The following STRN3 variants were observed in gnomAD, a reference collection of about 807,000 sequenced individuals.
The protein encoded by STRN3 is striatin-3.
In STRN3, 29 loss-of-function variants were observed where a neutral mutation model predicts 95.6. The observed-to-expected ratio is 0.30, with a 90% confidence interval of 0.23 to 0.41. The LOEUF (loss-of-function observed/expected upper bound fraction) is 0.41. Ranked by LOEUF, STRN3 falls within the 10% of genes least tolerant of loss-of-function variation. STRN3 has a pLI of 1.00. For synonymous variants in STRN3, 331 were observed against 357.6 expected, an observed-to-expected ratio of 0.93 and a Z score of 0.84; for missense variants, 890 against 972.1, an observed-to-expected ratio of 0.92 and a Z score of 1.12.
At chr14:30,986,082 A>G (rs1307919986) in intron 1 of STRN3, among the ~76,000 whole-genome samples, 1 of 152,186 alleles carries the variant, frequency 6.6e-6, no homozygotes, top group Non-Finnish European at 1.5e-5. Context: ...TGATCTATTA[A>G]AAAAAGAATG....
intron 9 of STRN3, among the ~76,000 whole-genome samples, chr14:30,915,965 T>C (rs1205304991): frequency 6.6e-6 from 1 of 152,182 alleles, no homozygotes; most frequent in African/African-American, 2.4e-5. Context: ...ATGACCACAT[T>C]TCTGTCCTTT....
chr14:30,911,474 G>C (rs1896607691), intron 12 of STRN3, among the ~76,000 whole-genome samples: 2 of 151,844 alleles, frequency 1.3e-5, no homozygotes, highest in Admixed American at 6.6e-5. Flanking sequence ...GCTAATTTTT[G>C]TATTTTGTGG....
Position 30,990,414 on chromosome 14 carries a change from C to T in STRN3, c.283-34172G>A, listed in dbSNP as rs11846086. On this transcript the variant is annotated intron_variant, in intron 1 of 17. Transcript: ENST00000357479. ...CGATCTCCTGATCTCATGATCCGCC[C>T]GCCTCAGACTCCCAAAGTGCTGGGA... 2.7e-3 allele frequency among the ~76,000 whole-genome samples: 415 copies of T among 152,046 alleles called. 1 individual carries two copies. The highest frequency in any genetic ancestry group is 9.3e-3 in the African/African-American group (384 of 41,446).
At chr14:31,015,469 T>C (rs1883196972) in intron 1 of STRN3, among the ~76,000 whole-genome samples, 1 of 151,798 alleles carries the variant, frequency 6.6e-6, no homozygotes. Context: ...GCCTCCCAGG[T>C]ACAAGCAATT....
At chr14:30,995,880 A>G (rs572116268) in intron 1 of STRN3, among the ~76,000 whole-genome samples, 1 of 152,306 alleles carries the variant, frequency 6.6e-6, no homozygotes, top group Admixed American at 6.5e-5. Context: ...GAATGCTGGA[A>G]AACAGCCCTC....
intron 5 of STRN3, among the ~76,000 whole-genome samples, chr14:30,945,625 TA>T (rs1283933844): frequency 6.6e-6 from 1 of 151,798 alleles, no homozygotes; most frequent in African/African-American, 2.4e-5. Flanking sequence ...AATAATAAAA[TA>T]AAAAAGAAAC....
At chr14:31,023,213 C>A (rs1230927574) in intron 1 of STRN3, among the ~76,000 whole-genome samples, 3 of 152,138 alleles carry the variant, frequency 2.0e-5, no homozygotes, top group Non-Finnish European at 4.4e-5. Flanking sequence ...CTGGATTGAT[C>A]TAGGGCTTGA....
chr14:30,966,583 T>G (rs1188276829), intron 1 of STRN3, among the ~76,000 whole-genome samples: 1 of 152,078 alleles, frequency 6.6e-6, no homozygotes, highest in Non-Finnish European at 1.5e-5. Context: ...GCTTAAAGGA[T>G]CCTCACATAC....
chr14:30,910,626 T>G (rs879770849), intron 13 of STRN3, among the ~76,000 whole-genome samples: 2 of 151,944 alleles, frequency 1.3e-5, no homozygotes, highest in Admixed American at 1.3e-4. Context: ...AGATATGAGC[T>G]AAGAATAACA....
intron 1 of STRN3, among the ~76,000 whole-genome samples, chr14:31,004,256 C>T (rs1882612907): frequency 6.6e-6 from 1 of 151,536 alleles, no homozygotes; most frequent in Non-Finnish European, 1.5e-5. Context: ...TGCCACACTC[C>T]AGTCCAGCCT....
intron 1 of STRN3, among the ~76,000 whole-genome samples, chr14:30,957,358 C>A (rs190663888): frequency 6.8e-6 from 1 of 147,536 alleles, no homozygotes; most frequent in Admixed American, 7.0e-5. Flanking sequence ...GAGGGTGAGG[C>A]AGAAGAATGG....
At chr14:30,945,443 G>A (rs1476751969) in intron 5 of STRN3, among the ~76,000 whole-genome samples, 1 of 151,938 alleles carries the variant, frequency 6.6e-6, no homozygotes, top group Non-Finnish European at 1.5e-5. Flanking sequence ...GCAAAATCCT[G>A]TCTCTACAAA....
chr14:30,963,079 C>T (rs1283833057), intron 1 of STRN3, among the ~76,000 whole-genome samples: 1 of 130,054 alleles, frequency 7.7e-6, no homozygotes, highest in Non-Finnish European at 1.8e-5. Flanking sequence ...TTACGTGACA[C>T]ATGACTACGC....
At chr14:30,984,116 G>A (rs2139235992) in intron 1 of STRN3, among the ~76,000 whole-genome samples, 1 of 128,666 alleles carries the variant, frequency 7.8e-6, no homozygotes, top group Non-Finnish European at 1.6e-5. Context: ...AAATTCCATG[G>A]CATCTTCCCC....
chr14:30,972,899 T>C (rs1199057549), intron 1 of STRN3, among the ~76,000 whole-genome samples: 2 of 152,184 alleles, frequency 1.3e-5, no homozygotes, highest in Admixed American at 1.3e-4. Flanking sequence ...CTATATAATA[T>C]TTATTTCAGA....
intron 6 of STRN3, 70 bp from the exon 7 acceptor site, chr14:30,935,374 A>T: frequency 6.6e-7 from 1 of 1,515,110 alleles, no homozygotes; most frequent in Non-Finnish European, 8.9e-7. Context: ...ATATTGTCAC[A>T]TAACTACATT....
chr14:30,994,162 C>T (rs1882095003), intron 1 of STRN3, among the ~76,000 whole-genome samples: 1 of 152,060 alleles, frequency 6.6e-6, no homozygotes, highest in Non-Finnish European at 1.5e-5. Flanking sequence ...AGGTATGAGC[C>T]ACCAGGCCTG....
chr14:30,931,915 G>T (rs1258709655), intron 7 of STRN3: 2 of 152,160 alleles, frequency 1.3e-5, no homozygotes, highest in Admixed American at 1.3e-4. Flanking sequence ...AAGGACTAGA[G>T]TATGTTTCAT....
At chr14:31,016,076 G>A in intron 1 of STRN3, among the ~76,000 whole-genome samples, 1 of 152,178 alleles carries the variant, frequency 6.6e-6, no homozygotes, top group Non-Finnish European at 1.5e-5. Context: ...GCTGAAAGGG[G>A]AGCAATAATA....
Sources: allele counts gnomAD v4.1 joint callset (sites outside exome capture counted in the v4.1 genomes callset), GRCh38; gene constraint gnomAD v4.1.1; transcripts MANE v1.5; gene names NCBI Gene and HGNC (gene_info 2026-07-23, HGNC 2026-07-21).